Variants in IMMP2L observed in about 807,000 individuals in gnomAD.
IMMP2L encodes mitochondrial inner membrane protease subunit 2.
IMMP2L carries 18 observed loss-of-function variants against 19.3 expected under a neutral mutation model. The ratio of observed to expected loss-of-function variants is 0.93; its 90% confidence interval spans 0.64 to 1.38. The LOEUF (loss-of-function observed/expected upper bound fraction) is 1.38, where lower values mean the gene tolerates loss of function less well. Ranked by LOEUF, IMMP2L falls within the 40% of genes most tolerant of loss-of-function variation. The pLI, the probability that IMMP2L is intolerant of heterozygous loss-of-function variation, is 0.00. For missense variants in IMMP2L, 233 were observed against 218.2 expected (o/e 1.07, Z -0.43); for synonymous variants, 76 against 73.0 (o/e 1.04, Z -0.21).
chr7:111,184,050 T>C (rs149074464), intron 3 of IMMP2L, among the ~76,000 whole-genome samples: 133 of 152,196 alleles, frequency 8.7e-4, no homozygotes, highest in African/African-American at 3.0e-3. Context: ...AGCTCATTTA[T>C]GGAAATAGAA....
intron 1 of IMMP2L, among the ~76,000 whole-genome samples, chr7:111,530,317 G>A (rs1847271208): frequency 6.6e-6 from 1 of 152,156 alleles, no homozygotes; most frequent in Admixed American, 6.5e-5. Context: ...TATGTCTAAG[G>A]AAGAGGACTA....
At chr7:110,716,317 G>A (rs1795231991) in intron 5 of IMMP2L, among the ~76,000 whole-genome samples, 1 of 152,172 alleles carries the variant, frequency 6.6e-6, no homozygotes, top group South Asian at 2.1e-4. Flanking sequence ...ATATTGATAT[G>A]TGAGGTTTTG....
chr7:111,160,148 A>C (rs947516484), intron 3 of IMMP2L, among the ~76,000 whole-genome samples: 1 of 152,136 alleles, frequency 6.6e-6, no homozygotes, highest in East Asian at 1.9e-4. Context: ...ACAATAAATC[A>C]GTATTAAATA....
rs1175736304 is a variant in IMMP2L, at chr7:111,368,102, T to C, written c.239+119136A>G. ...CTAGATAATCCACATTTTATAAATATTGAATATGCTTATATGGAAAATGCT... is the reference window on the plus strand; with the variant it reads ...CTAGATAATCCACATTTTATAAATACTGAATATGCTTATATGGAAAATGCT... On this transcript the variant is annotated intron_variant, in intron 3 of 5. Transcript: ENST00000405709. Among the ~76,000 whole-genome samples the C allele has an allele frequency of 5.9e-5, 9 of 151,866 alleles. No individual in the cohort carries two copies. In the Admixed American group the frequency reaches 5.9e-4, roughly 10 times the overall value.
chr7:110,826,103 C>A (rs1197713578), intron 5 of IMMP2L, among the ~76,000 whole-genome samples: 2 of 152,116 alleles, frequency 1.3e-5, no homozygotes, highest in South Asian at 2.1e-4. Context: ...TCATCACTGG[C>A]CATCAGAGAA....
chr7:110,880,832 A>G (rs1219893464), intron 5 of IMMP2L, among the ~76,000 whole-genome samples: 1 of 152,150 alleles, frequency 6.6e-6, no homozygotes, highest in Non-Finnish European at 1.5e-5. Context: ...AAACGGCCCA[A>G]AGGAACAGTA....
At chr7:111,342,246 A>G (rs1220789023) in intron 3 of IMMP2L, among the ~76,000 whole-genome samples, 1 of 152,128 alleles carries the variant, frequency 6.6e-6, no homozygotes, top group Non-Finnish European at 1.5e-5. Context: ...TTTTCAATAT[A>G]TACTAAAATA....
At chr7:110,890,644 T>C (rs1810697878) in intron 4 of IMMP2L, among the ~76,000 whole-genome samples, 1 of 152,168 alleles carries the variant, frequency 6.6e-6, no homozygotes, top group Non-Finnish European at 1.5e-5. Context: ...GATTTAACAG[T>C]TAAGTGAGGT....
At chr7:111,196,416 G>T (rs965328569) in intron 3 of IMMP2L, among the ~76,000 whole-genome samples, 1 of 152,098 alleles carries the variant, frequency 6.6e-6, no homozygotes, top group Non-Finnish European at 1.5e-5. Context: ...TCATCACTAG[G>T]AGTGTTAAAC....
intron 3 of IMMP2L, among the ~76,000 whole-genome samples, chr7:111,079,671 A>G (rs1022991296): frequency 9.2e-5 from 14 of 152,186 alleles, no homozygotes; most frequent in Non-Finnish European, 1.6e-4. Context: ...ATGATTATAC[A>G]TATATACTGA....
chr7:111,381,346 A>G (rs1423139312), intron 3 of IMMP2L, among the ~76,000 whole-genome samples: 1 of 151,996 alleles, frequency 6.6e-6, no homozygotes, highest in Admixed American at 6.6e-5. Context: ...GAGCTACTTT[A>G]GTGAATATGG....
At position 111,121,109 on chromosome 7, in the gene IMMP2L, G is replaced by C. The variant is rs188556666; in HGVS notation, c.240-157544C>G. ...AAACACATTCATTAAAATAATAAATGTTTAACCTTTTAACGATTAAATTTC... is the reference window on the plus strand; with the variant it reads ...AAACACATTCATTAAAATAATAAATCTTTAACCTTTTAACGATTAAATTTC... On this transcript the variant is annotated intron_variant, in intron 3 of 5. Coordinates refer to ENST00000405709, the MANE Select transcript of IMMP2L (RefSeq NM_032549.4). Among the ~76,000 whole-genome samples the C allele has an allele frequency of 5.9e-5, 9 of 152,282 alleles. No homozygotes were observed. In the East Asian group the frequency reaches 1.3e-3, roughly 23 times the overall value.
Position 110,663,473 on chromosome 7 carries a change from T to C in IMMP2L, c.*129A>G, listed in dbSNP as rs543080855. On this transcript the variant is annotated 3_prime_UTR_variant, in exon 6 of 6. Transcript: ENST00000405709. Reference sequence around the variant, plus strand: ...ATTTATTTAATAATACAGATCGTTTTAATGTGCTGTAAATATTTCTCGCAC... The same window carrying C: ...ATTTATTTAATAATACAGATCGTTTCAATGTGCTGTAAATATTTCTCGCAC... The C allele has an allele frequency of 1.4e-6, 1 of 737,956 alleles. No homozygotes were observed. The highest frequency in any genetic ancestry group is 1.8e-5 in the African/African-American group (1 of 56,108). The allele number at this position is 737,956 out of a possible 1,614,324, so 45.7% of individuals were successfully genotyped here. A position where few individuals can be genotyped will look rare whatever the true frequency, so the allele number is the denominator to read the frequency against.
At chr7:110,780,484 A>C (rs958624895) in intron 5 of IMMP2L, among the ~76,000 whole-genome samples, 3 of 151,716 alleles carry the variant, frequency 2.0e-5, no homozygotes, top group Non-Finnish European at 4.4e-5. Context: ...GTACATTCAG[A>C]GGTAAATTTT....
chr7:111,471,873 T>C (rs924368434), intron 3 of IMMP2L, among the ~76,000 whole-genome samples: 16 of 152,098 alleles, frequency 1.1e-4, no homozygotes, highest in African/African-American at 3.4e-4. Flanking sequence ...GACAACATCA[T>C]GACTTTAAGA....
rs1370590010 is a variant in IMMP2L, at chr7:110,963,950, G to A, written c.240-385C>T. ...ATTGTAATCCCCATGTGTAGAGGGA[G>A]GGGACCTGGTGGGAGGTGACTGGAT... On this transcript the variant is annotated intron_variant, in intron 3 of 5. Transcript: ENST00000405709. Among the ~76,000 whole-genome samples, 4 of 145,272 alleles carry A rather than the reference G, an allele frequency of 2.8e-5. No homozygotes were observed. The East Asian group carries it at 8.0e-4, about 29-fold the overall frequency.
chr7:111,182,733 T>A (rs1807845483), intron 3 of IMMP2L, among the ~76,000 whole-genome samples: 1 of 151,930 alleles, frequency 6.6e-6, no homozygotes, highest in Non-Finnish European at 1.5e-5. Context: ...AGAATGAATT[T>A]AGTTGCAAAT....
intron 4 of IMMP2L, among the ~76,000 whole-genome samples, chr7:110,931,090 G>C (rs1482441864): frequency 6.6e-6 from 1 of 152,160 alleles, no homozygotes; most frequent in Admixed American, 6.6e-5. Flanking sequence ...ACTGAAGTGG[G>C]GGATGAGAGG....
At chr7:110,972,728 G>T (rs1269697890) in intron 3 of IMMP2L, among the ~76,000 whole-genome samples, 1 of 152,074 alleles carries the variant, frequency 6.6e-6, no homozygotes, top group Non-Finnish European at 1.5e-5. Context: ...AGCCAGAGAG[G>T]TACAGAGCAG....
Sources: allele counts gnomAD v4.1 joint callset (sites outside exome capture counted in the v4.1 genomes callset), GRCh38; gene constraint gnomAD v4.1.1; transcripts MANE v1.5; gene names NCBI Gene and HGNC (gene_info 2026-07-23, HGNC 2026-07-21).